CDK19: variants seen among roughly 807,000 people sequenced by gnomAD.
CDK19 encodes the protein cyclin-dependent kinase 19.
A neutral mutation model predicts 68.3 loss-of-function variants in CDK19; 20 were observed. That is an observed-to-expected ratio of 0.29 (90% CI 0.21 to 0.43). The LOEUF (loss-of-function observed/expected upper bound fraction) is 0.43, where lower values mean the gene tolerates loss of function less well. Ranked by LOEUF, CDK19 falls within the 20% of genes least tolerant of loss-of-function variation. The pLI is 1.00. For missense variants in CDK19, 339 were observed against 623.5 expected (o/e 0.54, Z 4.86); for synonymous variants, 221 against 222.8 (o/e 0.99, Z 0.07).
chr6:110,714,026 T>C (rs911426545), intron 2 of CDK19, among the ~76,000 whole-genome samples: 4 of 152,222 alleles, frequency 2.6e-5, no homozygotes, highest in African/African-American at 9.6e-5. Context: ...ATCACAATTA[T>C]ATAATTCCAG....
At chr6:110,666,361 G>A (rs1781933909) in intron 4 of CDK19, among the ~76,000 whole-genome samples, 1 of 140,792 alleles carries the variant, frequency 7.1e-6, no homozygotes, top group Non-Finnish European at 1.5e-5. Flanking sequence ...GGAGGCGGAG[G>A]TTGCAGTGAG....
chr6:110,763,575 C>T (rs1473427066), intron 1 of CDK19, among the ~76,000 whole-genome samples: 2 of 152,004 alleles, frequency 1.3e-5, no homozygotes, highest in Non-Finnish European at 2.9e-5. Flanking sequence ...GCCACCACAC[C>T]CTGCTAATTT....
At chr6:110,680,213 G>A (rs879447185) in intron 2 of CDK19, among the ~76,000 whole-genome samples, 3 of 152,200 alleles carry the variant, frequency 2.0e-5, no homozygotes, top group Non-Finnish European at 4.4e-5. Flanking sequence ...GTGCTGGCTT[G>A]AGGTAAAGAG....
At chr6:110,622,064 G>A (rs746727843) in intron 11 of CDK19, 24 bp downstream of exon 11, 1 of 1,467,396 alleles carries the variant, frequency 6.8e-7, no homozygotes, top group South Asian at 1.3e-5. Flanking sequence ...CTTTGGAAGT[G>A]AAAGTATACC....
Position 110,621,390 on chromosome 6 carries a change from A to C in CDK19, c.1111-20T>G. ...CTGATTCTTTTAAGGGGAAAAAAGCAAGCTTGGTATGAAACCAAATTAACA... is the reference window on the plus strand; with the variant it reads ...CTGATTCTTTTAAGGGGAAAAAAGCCAGCTTGGTATGAAACCAAATTAACA... On this transcript the variant is annotated intron_variant, in intron 11 of 12. Coordinates refer to ENST00000368911, the MANE Select transcript of CDK19 (RefSeq NM_015076.5). This position sits in a 1 kb window ranked among gnomAD's most constrained non-coding sequence, Gnocchi z 5.4. 4 of 1,521,576 alleles carry C rather than the reference A, an allele frequency of 2.6e-6. No individual in the cohort carries two copies. Among genetic ancestry groups the C allele is most frequent in the Non-Finnish European group, 3.5e-6 (4 of 1,136,884 alleles). The allele number at this position is 1,521,576 out of a possible 1,614,324, so 94.3% of individuals were successfully genotyped here. A position where few individuals can be genotyped will look rare whatever the true frequency, so the allele number is the denominator to read the frequency against.
intron 1 of CDK19, among the ~76,000 whole-genome samples, chr6:110,763,126 A>G (rs1222793127): frequency 1.3e-5 from 2 of 152,154 alleles, no homozygotes; most frequent in African/African-American, 4.8e-5. Flanking sequence ...AACTAAAGAA[A>G]ATAGAAGGTA....
At chr6:110,749,476 T>TCA (rs1778312273) in intron 1 of CDK19, among the ~76,000 whole-genome samples, 1 of 152,034 alleles carries the variant, frequency 6.6e-6, no homozygotes, top group African/African-American at 2.4e-5. Context: ...TCCTCCCACT[T>TCA]CACCCTCCCA....
chr6:110,748,918 T>C (rs1464926771), intron 1 of CDK19, among the ~76,000 whole-genome samples: 1 of 152,172 alleles, frequency 6.6e-6, no homozygotes, highest in Non-Finnish European at 1.5e-5. Flanking sequence ...CAGGTGAACC[T>C]GCCTAGCCTA....
intron 1 of CDK19, among the ~76,000 whole-genome samples, chr6:110,798,703 T>C (rs753850603): frequency 1.4e-5 from 2 of 139,164 alleles, no homozygotes; most frequent in Non-Finnish European, 3.1e-5. Flanking sequence ...CATGAAGCAA[T>C]AGTTTTGAAT....
chr6:110,637,925 G>A (rs1779887830), intron 5 of CDK19, among the ~76,000 whole-genome samples: 1 of 152,252 alleles, frequency 6.6e-6, no homozygotes, highest in South Asian at 2.1e-4. Flanking sequence ...GGAGGTTGCA[G>A]TGAGCCAAGA....
At chr6:110,713,102 C>A (rs938976687) in intron 2 of CDK19, among the ~76,000 whole-genome samples, 7 of 150,754 alleles carry the variant, frequency 4.6e-5, no homozygotes, top group African/African-American at 1.7e-4. Context: ...GAGGCTGACA[C>A]AGGAGACTCG....
At chr6:110,673,652 C>T (rs1582832036) in intron 2 of CDK19, among the ~76,000 whole-genome samples, 1 of 151,922 alleles carries the variant, frequency 6.6e-6, no homozygotes. Context: ...ATTAAGTTTG[C>T]CATTAATATT....
chr6:110,735,123 T>TA (rs1222372626), intron 2 of CDK19, among the ~76,000 whole-genome samples: 1 of 150,220 alleles, frequency 6.7e-6, no homozygotes, highest in Non-Finnish European at 1.5e-5. Flanking sequence ...TTTTTTTTTT[T>TA]ATTTAATGAG....
intron 1 of CDK19, among the ~76,000 whole-genome samples, chr6:110,759,273 C>T (rs1410973888): frequency 6.7e-6 from 1 of 150,350 alleles, no homozygotes; most frequent in Non-Finnish European, 1.5e-5. Context: ...GGCATGGTGG[C>T]GGGTGCCTGT....
intron 1 of CDK19, among the ~76,000 whole-genome samples, chr6:110,790,413 T>C (rs1662180966): frequency 6.6e-6 from 1 of 152,142 alleles, no homozygotes; most frequent in South Asian, 2.1e-4. Context: ...CAGGTGCCTG[T>C]AATCCCAGCT....
intron 1 of CDK19, among the ~76,000 whole-genome samples, chr6:110,763,288 C>T (rs920235880): frequency 2.6e-5 from 4 of 151,848 alleles, no homozygotes; most frequent in East Asian, 1.9e-4. Flanking sequence ...CAGTACTTGA[C>T]AATTTTTATA....
chr6:110,633,485 T>C (rs1234464884), intron 5 of CDK19, among the ~76,000 whole-genome samples: 1 of 152,198 alleles, frequency 6.6e-6, no homozygotes, highest in Non-Finnish European at 1.5e-5. Flanking sequence ...AGTTGCTGAA[T>C]GGTAATCAGC....
At chr6:110,702,597 A>G (rs1055519187) in intron 2 of CDK19, among the ~76,000 whole-genome samples, 3 of 152,152 alleles carry the variant, frequency 2.0e-5, no homozygotes, top group African/African-American at 7.2e-5. Flanking sequence ...ACTGCACTTT[A>G]GCCTGGGAGA....
chr6:110,726,106 A>C (rs1028725616), intron 2 of CDK19, among the ~76,000 whole-genome samples: 1 of 152,218 alleles, frequency 6.6e-6, no homozygotes, highest in African/African-American at 2.4e-5. Flanking sequence ...AAGGTAAAGA[A>C]AAATGAAAGG....
Sources: gnomAD v4.1 joint callset for allele counts (sites outside exome capture counted in the v4.1 genomes callset) on GRCh38, gnomAD v4.1.1 for gene constraint, Gnocchi (gnomAD v3.1) non-coding constraint, MANE v1.5 for transcripts, NCBI Gene and HGNC (gene_info 2026-07-23, HGNC 2026-07-21) for gene names.